Variants in SEM1 observed in about 807,000 individuals in gnomAD.
SEM1 encodes 26S proteasome complex subunit SEM1.
In SEM1, 3 loss-of-function variants were observed where a neutral mutation model predicts 12.7. The ratio of observed to expected loss-of-function variants is 0.24; its 90% CI spans 0.11 to 0.61. SEM1 has a LOEUF of 0.61. Among genes scored for constraint, SEM1 ranks in the 20% least tolerant of loss-of-function variants. SEM1 has a pLI of 0.88. For missense variants in SEM1, 59 were observed against 81.3 expected, an observed-to-expected ratio of 0.73 and a Z score of 1.06; for synonymous variants, 30 against 27.8, an observed-to-expected ratio of 1.08 and a Z score of -0.25.
At chr7:96,595,370 AGCATGGTGGTGT>A (rs1235159599) in intron 2 of SEM1, among the ~76,000 whole-genome samples, 3 of 152,016 alleles carry the variant, frequency 2.0e-5, no homozygotes, top group Non-Finnish European at 4.4e-5. Context: ...AAAACTGTCC[AGCATGGTGGTGT>A]GCACATGTAG....
intron 2 of SEM1, among the ~76,000 whole-genome samples, chr7:96,522,226 T>A (rs1248052672): frequency 1.3e-5 from 2 of 152,124 alleles, no homozygotes; most frequent in African/African-American, 4.8e-5. Context: ...AGGCACATGC[T>A]CTATGTTACC....
At chr7:96,500,177 A>T (rs1200978366), upstream of SEM1, among the ~76,000 whole-genome samples, 5 of 152,144 alleles carry the variant, frequency 3.3e-5, no homozygotes, top group South Asian at 1.0e-3. Context: ...ACAACACTGG[A>T]CTAAAAAGAG....
intron 1 of SEM1, among the ~76,000 whole-genome samples, chr7:96,701,861 A>G (rs1790283115): frequency 6.6e-6 from 1 of 152,120 alleles, no homozygotes; most frequent in South Asian, 2.1e-4. Context: ...AGGCAATTTG[A>G]GAGTATCTGT....
At chr7:96,693,784 GTGTGTGTA>G (rs957949326) in intron 2 of SEM1, among the ~76,000 whole-genome samples, 9 of 149,642 alleles carry the variant, frequency 6.0e-5, no homozygotes, top group Non-Finnish European at 1.2e-4. Context: ...GTGTGTGTGT[GTGTGTGTA>G]TATATATATA....
intron 2 of SEM1, among the ~76,000 whole-genome samples, chr7:96,593,060 C>A (rs1393362451): frequency 1.3e-5 from 2 of 151,156 alleles, no homozygotes; most frequent in African/African-American, 4.9e-5. Context: ...AAGTAGGGGC[C>A]CCCATTCAAA....
chr7:96,574,530 GA>G (rs1806142666), intron 2 of SEM1, among the ~76,000 whole-genome samples: 1 of 152,152 alleles, frequency 6.6e-6, no homozygotes, highest in Non-Finnish European at 1.5e-5. Flanking sequence ...CACAATGGTT[GA>G]ACTAGTTTAC....
chr7:96,519,378 GA>G (rs1215991216), intron 2 of SEM1, among the ~76,000 whole-genome samples: 10 of 152,222 alleles, frequency 6.6e-5, no homozygotes, highest in African/African-American at 2.4e-4. Context: ...CTAGAAAGAA[GA>G]GTCAGACCAA....
downstream of SEM1, among the ~76,000 whole-genome samples, chr7:96,670,253 T>C (rs1319773462): frequency 6.6e-6 from 1 of 152,154 alleles, no homozygotes; most frequent in Admixed American, 6.5e-5. Context: ...TTAAATTAGA[T>C]CAAATATAAC....
chr7:96,680,059 C>G (rs538147240), intron 2 of SEM1, among the ~76,000 whole-genome samples: 3 of 152,096 alleles, frequency 2.0e-5, no homozygotes, highest in Non-Finnish European at 4.4e-5. Context: ...TCCTGAGTAA[C>G]TCTCAACCAA....
rs1348121718 is a variant in SEM1, at chr7:96,574,114, T to G, written c.171-67416A>C. On this transcript the variant is annotated intron_variant and NMD_transcript_variant, in intron 2 of 3. Coordinates refer to the SEM1 transcript ENST00000466986. ...TCCCACCCCACAACAGGCCCCAGTG[T>G]GTGATGTTCCCCTTCCTGTGTCCAT... Among the ~76,000 whole-genome samples the G allele has an allele frequency of 3.3e-5, 5 of 152,120 alleles. No individual in the cohort carries two copies. The East Asian group carries it at 9.7e-4, about 29-fold the overall frequency.
chr7:96,602,409 C>T (rs1807223501), intron 2 of SEM1, among the ~76,000 whole-genome samples: 1 of 152,192 alleles, frequency 6.6e-6, no homozygotes, highest in African/African-American at 2.4e-5. Context: ...ATTCTCCTCC[C>T]TGTACTACCT....
intron 2 of SEM1, among the ~76,000 whole-genome samples, chr7:96,600,068 A>T (rs1807151595): frequency 6.6e-6 from 1 of 152,170 alleles, no homozygotes; most frequent in Non-Finnish European, 1.5e-5. Flanking sequence ...GTGCTTTAAA[A>T]ATTAGTCTGG....
At chr7:96,614,622 C>T (rs1054657874) in intron 2 of SEM1, among the ~76,000 whole-genome samples, 4 of 152,174 alleles carry the variant, frequency 2.6e-5, no homozygotes, top group African/African-American at 4.8e-5. Context: ...CAGAGAAGCA[C>T]GCCTTAGCTC....
intron 1 of SEM1, among the ~76,000 whole-genome samples, chr7:96,703,968 T>TAA (rs1291345276): frequency 1.1e-5 from 1 of 90,164 alleles, no homozygotes; most frequent in African/African-American, 4.4e-5. Flanking sequence ...CCTTGTCTCT[T>TAA]AAAAACACAC....
intron 2 of SEM1, among the ~76,000 whole-genome samples, chr7:96,553,555 T>G (rs1331064474): frequency 2.0e-5 from 3 of 152,132 alleles, no homozygotes; most frequent in Non-Finnish European, 4.4e-5. Flanking sequence ...TTGATCTATA[T>G]CTCTGTTTTG....
At chr7:96,543,965 T>C (rs1805029598) in intron 2 of SEM1, among the ~76,000 whole-genome samples, 1 of 152,070 alleles carries the variant, frequency 6.6e-6, no homozygotes, top group African/African-American at 2.4e-5. Flanking sequence ...CATCTTGAAA[T>C]TCTTAATTTC....
At chr7:96,707,087 A>T (rs564567392) in intron 1 of SEM1, among the ~76,000 whole-genome samples, 1 of 152,344 alleles carries the variant, frequency 6.6e-6, no homozygotes, top group East Asian at 1.9e-4. Flanking sequence ...TTTTTCAAAC[A>T]TCTCTCTTAG....
rs1279712587 is a variant in SEM1, at chr7:96,640,083, G to A, written c.171-17440C>T. Among the ~76,000 whole-genome samples the A allele has an allele frequency of 6.6e-6, 1 of 152,030 alleles. No individual in the cohort carries two copies. ...GACAATACTAAATGCTGGTGAGGATGTAGAGCAACAGGAATTATCATTCAC... is the reference window on the plus strand; with the variant it reads ...GACAATACTAAATGCTGGTGAGGATATAGAGCAACAGGAATTATCATTCAC... On this transcript the variant is annotated intron_variant, in intron 2 of 2. Transcript: ENST00000417009. The surrounding 1 kb of genome is among the most constrained non-coding windows in gnomAD (Gnocchi z 4.0).
intron 2 of SEM1, among the ~76,000 whole-genome samples, chr7:96,562,566 G>A (rs1805722100): frequency 6.6e-6 from 1 of 152,162 alleles, no homozygotes; most frequent in Admixed American, 6.5e-5. Context: ...TGGATTGGAT[G>A]GTCAATGGAA....
Sources: allele counts gnomAD v4.1 joint callset (sites outside exome capture counted in the v4.1 genomes callset), GRCh38; gene constraint gnomAD v4.1.1; non-coding constraint Gnocchi (gnomAD v3.1); transcripts MANE v1.5; gene names NCBI Gene and HGNC (gene_info 2026-07-23, HGNC 2026-07-21).